ADGRL2: variants seen among roughly 807,000 people sequenced by gnomAD.
ADGRL2 encodes calcium-independent alpha-latrotoxin receptor 2.
Under a neutral mutation model 157.4 loss-of-function variants are expected in ADGRL2, and 44 were observed. The observed-to-expected ratio is 0.28, with a 90% confidence interval of 0.22 to 0.36. ADGRL2 has a LOEUF of 0.36. Among genes scored for constraint, ADGRL2 ranks in the 10% least tolerant of loss-of-function variants. The pLI, the probability that ADGRL2 is intolerant of heterozygous loss-of-function variation, is 1.00. For synonymous variants in ADGRL2, 585 were observed against 624.7 expected (o/e 0.94, Z 0.95); for missense variants, 1,510 against 1,768.9 (o/e 0.85, Z 2.63).
At chr1:81,628,526 C>T (rs903313439) in intron 3 of ADGRL2, among the ~76,000 whole-genome samples, 1 of 151,994 alleles carries the variant, frequency 6.6e-6, no homozygotes, top group Non-Finnish European at 1.5e-5. Flanking sequence ...TTTTTTTTCT[C>T]ACAACAGCCC....
chr1:81,579,846 T>G (rs548018559), intron 2 of ADGRL2, among the ~76,000 whole-genome samples: 1 of 152,192 alleles, frequency 6.6e-6, no homozygotes. Flanking sequence ...GCACAGCTTT[T>G]TTTTTTACAT....
chr1:81,566,397 C>A (rs532007602), intron 2 of ADGRL2, among the ~76,000 whole-genome samples: 1 of 151,814 alleles, frequency 6.6e-6, no homozygotes, highest in Non-Finnish European at 1.5e-5. Context: ...TAGTTGAGAC[C>A]GGAAAATAAT....
intron 3 of ADGRL2, among the ~76,000 whole-genome samples, chr1:81,931,879 C>T (rs34228799): frequency 0.098 from 14,957 of 152,172 alleles, 1,027 homozygotes; most frequent in Middle Eastern, 0.22. Flanking sequence ...AGAGATCCTC[C>T]TCCCTTTGCT....
intron 2 of ADGRL2, among the ~76,000 whole-genome samples, chr1:81,520,310 A>C (rs1040797421): frequency 9.9e-5 from 15 of 152,148 alleles, no homozygotes; most frequent in African/African-American, 3.6e-4. Context: ...TACTAAAACC[A>C]ATTATATTAG....
At chr1:81,861,844 C>T (rs2093399056) in intron 2 of ADGRL2, among the ~76,000 whole-genome samples, 1 of 151,782 alleles carries the variant, frequency 6.6e-6, no homozygotes, top group South Asian at 2.1e-4. Context: ...GATTGCACCA[C>T]CACACTCCAG....
intron 1 of ADGRL2, among the ~76,000 whole-genome samples, chr1:81,737,839 C>T (rs915545846): frequency 1.3e-5 from 2 of 152,256 alleles, no homozygotes; most frequent in Non-Finnish European, 1.5e-5. Context: ...TAAAACAACG[C>T]ATGTCTCTTT....
At chr1:81,480,098 C>T (rs1049790255) in intron 2 of ADGRL2, among the ~76,000 whole-genome samples, 5 of 152,146 alleles carry the variant, frequency 3.3e-5, no homozygotes, top group Non-Finnish European at 2.9e-5. Flanking sequence ...TTATACAGCA[C>T]AAGGCTGGAA....
chr1:81,984,256 G>A (rs560722778), intron 19 of ADGRL2: 2 of 162,378 alleles, frequency 1.2e-5, no homozygotes, highest in African/African-American at 4.8e-5. Flanking sequence ...AAAAATTGGA[G>A]TTACTAAATA....
chr1:81,482,803 A>G (rs1347906974), intron 2 of ADGRL2, among the ~76,000 whole-genome samples: 4 of 151,486 alleles, frequency 2.6e-5, no homozygotes, highest in Admixed American at 1.3e-4. Flanking sequence ...CTTACATTTT[A>G]CATTATATAT....
intron 1 of ADGRL2, among the ~76,000 whole-genome samples, chr1:81,439,448 G>A (rs2077467671): frequency 6.6e-6 from 1 of 152,210 alleles, no homozygotes; most frequent in Non-Finnish European, 1.5e-5. Context: ...TACTGATGCA[G>A]GATTTTCTCA....
intron 1 of ADGRL2, among the ~76,000 whole-genome samples, chr1:81,365,961 G>T (rs1476233867): frequency 6.6e-6 from 1 of 152,072 alleles, no homozygotes; most frequent in African/African-American, 2.4e-5. Flanking sequence ...TTAGCAGAGG[G>T]CGTGACTCCT....
intron 3 of ADGRL2, among the ~76,000 whole-genome samples, chr1:81,667,776 CAAA>C (rs1478048594): frequency 6.6e-6 from 1 of 151,830 alleles, no homozygotes; most frequent in Non-Finnish European, 1.5e-5. Context: ...AGAGCATTGT[CAAA>C]ATATAGAGGT....
chr1:81,665,890 C>T (rs759016945), intron 3 of ADGRL2, among the ~76,000 whole-genome samples: 80 of 152,054 alleles, frequency 5.3e-4, no homozygotes, highest in Non-Finnish European at 7.1e-4. Flanking sequence ...CCACATGCTG[C>T]ATAATAACTG....
At chr1:81,589,412 C>G (rs1051018625) in intron 3 of ADGRL2, among the ~76,000 whole-genome samples, 3 of 152,178 alleles carry the variant, frequency 2.0e-5, no homozygotes, top group Non-Finnish European at 4.4e-5. Context: ...TGAATGCAAG[C>G]TGCTTCTGAT....
At chr1:81,889,384 G>A (rs2094206425) in intron 2 of ADGRL2, among the ~76,000 whole-genome samples, 2 of 152,216 alleles carry the variant, frequency 1.3e-5, no homozygotes, top group South Asian at 4.1e-4. Context: ...GAAAGTTTTA[G>A]TGGTCTGGAG....
intron 1 of ADGRL2, among the ~76,000 whole-genome samples, chr1:81,710,644 A>C (rs2083897455): frequency 7.0e-6 from 1 of 142,736 alleles, no homozygotes; most frequent in Non-Finnish European, 1.5e-5. Context: ...AAAAAAAAAA[A>C]GAACTTTTAT....
chr1:81,615,011 T>G, intron 3 of ADGRL2, among the ~76,000 whole-genome samples: 1 of 151,808 alleles, frequency 6.6e-6, no homozygotes, highest in Non-Finnish European at 1.5e-5. Flanking sequence ...AGACCATGTA[T>G]CAAAAATAAA....
At chr1:81,874,109 G>A (rs1453127974) in intron 2 of ADGRL2, among the ~76,000 whole-genome samples, 2 of 151,980 alleles carry the variant, frequency 1.3e-5, no homozygotes, top group Non-Finnish European at 2.9e-5. Context: ...GTTTTGGTTG[G>A]GTAGCTACTC....
intron 1 of ADGRL2, among the ~76,000 whole-genome samples, chr1:81,440,651 A>G (rs2101673986): frequency 6.6e-6 from 1 of 152,314 alleles, no homozygotes; most frequent in South Asian, 2.1e-4. Flanking sequence ...ACTTCTTGAC[A>G]CATCAAACAC....
Sources: allele counts gnomAD v4.1 joint callset (sites outside exome capture counted in the v4.1 genomes callset), GRCh38; gene constraint gnomAD v4.1.1; transcripts MANE v1.5; gene names NCBI Gene and HGNC (gene_info 2026-07-23, HGNC 2026-07-21).